The following GEN1 variants were observed in gnomAD, a reference collection of about 807,000 sequenced individuals.
The protein encoded by GEN1 is GEN1 structure-specific endonuclease.
A neutral mutation model predicts 67.6 loss-of-function variants in GEN1; 64 were observed. The ratio of observed to expected loss-of-function variants is 0.95; its 90% CI spans 0.77 to 1.17. The LOEUF (loss-of-function observed/expected upper bound fraction) is 1.17, where lower values mean the gene tolerates loss of function less well. GEN1 is among the 50% of genes most tolerant of loss of function. The pLI is 0.00. For missense variants in GEN1, 1,058 were observed against 1,048.3 expected, an observed-to-expected ratio of 1.01 and a Z score of -0.13; for synonymous variants, 371 against 359.4, an observed-to-expected ratio of 1.03 and a Z score of -0.37.
intron 5 of GEN1, 123 bp downstream of exon 5, chr2:17,766,812 G>A: frequency 1.8e-6 from 1 of 561,222 alleles, no homozygotes; most frequent in Non-Finnish European, 3.1e-6. Context: ...ATAATTTCAG[G>A]CATAATAAGC....
At chr2:17,761,372 G>GT in intron 2 of GEN1, 24 bp from the exon 3 acceptor site, 1 of 1,281,042 alleles carries the variant, frequency 7.8e-7, no homozygotes, top group Non-Finnish European at 1.1e-6. Flanking sequence ...GATGATTAAT[G>GT]TATTACTAAT....
chr2:17,777,211 AC>A (rs1270143869), intron 11 of GEN1, among the ~76,000 whole-genome samples: 1 of 152,220 alleles, frequency 6.6e-6, no homozygotes, highest in Non-Finnish European at 1.5e-5. Flanking sequence ...GATGTGAATT[AC>A]AAGAAACAGT....
chr2:17,768,641 C>A, intron 5 of GEN1, 97 bp from the exon 6 acceptor site: 1 of 848,152 alleles, frequency 1.2e-6, no homozygotes, highest in South Asian at 1.7e-5. Flanking sequence ...AGAGTTACCT[C>A]ATTCTTTCAG....
At chr2:17,771,935 A>G (rs913924746) in intron 7 of GEN1, among the ~76,000 whole-genome samples, 13 of 152,050 alleles carry the variant, frequency 8.5e-5, no homozygotes, top group African/African-American at 2.9e-4. Flanking sequence ...ACATTATTAA[A>G]TTATAGATAA....
chr2:17,786,722 A>G lies in GEN1; in HGVS notation c.*4783A>G, dbSNP rs1572434608. ...AGAGTCCTAATCTTTTTATCTCCTGACATTATAAATGTTGAGTTCAGGGTT... is the reference window on the plus strand; with the variant it reads ...AGAGTCCTAATCTTTTTATCTCCTGGCATTATAAATGTTGAGTTCAGGGTT... On this transcript the variant is annotated 3_prime_UTR_variant, in exon 14 of 14. Coordinates refer to ENST00000381254, the MANE Select transcript of GEN1 (RefSeq NM_001130009.3). 6.6e-6 allele frequency: 1 copy of G among 152,080 alleles called. No individual in the cohort carries two copies. The highest frequency in any genetic ancestry group is 1.5e-5 in the Non-Finnish European group (1 of 68,008). The allele number at this position is 152,080 out of a possible 1,614,324, so 9.4% of individuals were successfully genotyped here.
At chr2:17,753,430 G>A (rs1055348356), upstream of GEN1, among the ~76,000 whole-genome samples, 11 of 97,174 alleles carry the variant, frequency 1.1e-4, no homozygotes, top group Admixed American at 1.8e-4. Flanking sequence ...GAGAGCGCGC[G>A]AAGGTGCCGC....
chr2:17,779,659 T>C (rs993580753), intron 12 of GEN1, among the ~76,000 whole-genome samples: 2 of 152,072 alleles, frequency 1.3e-5, no homozygotes, highest in Non-Finnish European at 2.9e-5. Context: ...TGGAGTGTAG[T>C]GGTGCGATCT....
In GEN1 at chr2:17,778,400, A is replaced by ATG. The variant is rs1352600534; in HGVS notation, c.1264+338_1264+339insGT. Reference sequence around the variant, plus strand: ...CACATATATGTGTGTACATATATGTATATACACACATATATGTGTGTACAT... The same window carrying ATG: ...CACATATATGTGTGTACATATATGTATGTATACACACATATATGTGTGTACAT... On this transcript the variant is annotated intron_variant, in intron 12 of 13. Coordinates refer to ENST00000381254, the MANE Select transcript of GEN1 (RefSeq NM_001130009.3). Among the ~76,000 whole-genome samples, 157 of 22,860 alleles carry ATG rather than the reference A, an allele frequency of 6.9e-3. 17 individuals are homozygous for ATG. The highest frequency in any genetic ancestry group is 0.015 in the African/African-American group (147 of 9,794). 15.0% of individuals were successfully genotyped at this position (22,860 alleles called of 152,430 possible).
In GEN1 at chr2:17,786,093, A is replaced by ATGTT. The variant is rs1024793525; in HGVS notation, c.*4156_*4159dup. 9 of 152,102 alleles carry ATGTT rather than the reference A, an allele frequency of 5.9e-5. No individual in the cohort carries two copies. Among genetic ancestry groups the ATGTT allele is most frequent in the African/African-American group, 1.9e-4 (8 of 41,402 alleles). 9.4% of individuals were successfully genotyped at this position (152,102 alleles called of 1,614,324 possible). ...ACTTTTCTGAGACTCATTTATTCAA[A>ATGTT]TGTTTATGTGACAGGCATTGTGCTG... On this transcript the variant is annotated 3_prime_UTR_variant, in exon 14 of 14. Coordinates refer to ENST00000381254, the MANE Select transcript of GEN1 (RefSeq NM_001130009.3).
intron 1 of GEN1, among the ~76,000 whole-genome samples, chr2:17,759,597 T>G (rs938905535): frequency 3.3e-5 from 5 of 152,102 alleles, no homozygotes; most frequent in African/African-American, 7.2e-5. Context: ...TTTCTTTTTT[T>G]TTTTCCTGGG....
At chr2:17,762,482 C>T (rs1242862074) in intron 3 of GEN1, among the ~76,000 whole-genome samples, 1 of 152,102 alleles carries the variant, frequency 6.6e-6, no homozygotes, top group Non-Finnish European at 1.5e-5. Flanking sequence ...GCTGGGATTA[C>T]AGGTGTGAGC....
At chr2:17,773,059 G>C (rs1318225332) in intron 8 of GEN1, 37 bp from the exon 9 acceptor site, 3 of 1,367,750 alleles carry the variant, frequency 2.2e-6, no homozygotes, top group African/African-American at 2.9e-5. Flanking sequence ...AAAATTGTCT[G>C]ATTATAGTAA....
chr2:17,777,362 GCATT>G (rs1386791840), intron 11 of GEN1, among the ~76,000 whole-genome samples: 1 of 152,090 alleles, frequency 6.6e-6, no homozygotes, highest in African/African-American at 2.4e-5. Context: ...CCCAAAGTAT[GCATT>G]CAAACACTTA....
chr2:17,765,728 T>C (rs1671897349), intron 4 of GEN1, among the ~76,000 whole-genome samples: 2 of 152,314 alleles, frequency 1.3e-5, no homozygotes, highest in African/African-American at 2.4e-5. Flanking sequence ...AGTGCAGTCA[T>C]TGAAAAGGCT....
chr2:17,777,067 A>C (rs1036913735), intron 11 of GEN1, among the ~76,000 whole-genome samples: 3 of 152,176 alleles, frequency 2.0e-5, no homozygotes, highest in African/African-American at 7.2e-5. Flanking sequence ...CAGAGGTTAC[A>C]GTGAGCTGAG....
intron 6 of GEN1, among the ~76,000 whole-genome samples, chr2:17,769,549 A>G (rs1399074340): frequency 6.6e-6 from 1 of 152,192 alleles, no homozygotes; most frequent in Non-Finnish European, 1.5e-5. Context: ...ATACTTTGAT[A>G]TTGTATTTTC....
chr2:17,760,238 G>A (rs2125119845), intron 2 of GEN1, 134 bp downstream of exon 2: 1 of 805,262 alleles, frequency 1.2e-6, no homozygotes. Context: ...TATTTAACAT[G>A]TCTAGATTCA....
chr2:17,774,388 C>A lies in GEN1; in HGVS notation c.1189C>A (p.Leu397Ile), dbSNP rs1159007998. 6.2e-7 allele frequency: 1 copy of A among 1,601,562 alleles called. No homozygotes were observed. Among genetic ancestry groups the A allele is most frequent in the South Asian group, 1.1e-5 (1 of 88,784 alleles). The part of the protein sequence containing the change: ...RKLGSRNSNQ[L>I]QPIRIVKTRI... ...GCTTGGTAGCAGAAACTCTAATCAA[C>A]TACAGCCAATTCGGTAATGTAAAGA... The change falls in exon 11 of 14, where the codon CTA becomes ATA. Residue 397 changes from leucine to isoleucine, a missense_variant. Physicochemically the swap from Leu to Ile is conservative, Grantham distance 5. Coordinates refer to ENST00000381254, the MANE Select transcript of GEN1 (RefSeq NM_001130009.3).
chr2:17,774,779 GAA>G (rs747560753), intron 11 of GEN1, among the ~76,000 whole-genome samples: 1 of 140,124 alleles, frequency 7.1e-6, no homozygotes, highest in African/African-American at 2.6e-5. Context: ...TCGCTTCAGA[GAA>G]AAAAAAAAAA....
Sources: allele counts gnomAD v4.1 joint callset (sites outside exome capture counted in the v4.1 genomes callset), GRCh38; gene constraint gnomAD v4.1.1; transcripts MANE v1.5; gene names NCBI Gene and HGNC (gene_info 2026-07-23, HGNC 2026-07-21).